Variants in SLC35F4 observed in about 807,000 individuals in gnomAD.
SLC35F4 encodes chromosome 14 open reading frame 36.
A neutral mutation model predicts 44.2 loss-of-function variants in SLC35F4; 24 were observed. The ratio of observed to expected loss-of-function variants is 0.54; its 90% CI spans 0.39 to 0.76. SLC35F4 has a LOEUF of 0.76. Ranked by LOEUF, SLC35F4 falls within the 30% of genes least tolerant of loss-of-function variation. The pLI is 0.00. For synonymous variants in SLC35F4, 238 were observed against 223.6 expected (o/e 1.06, Z -0.57); for missense variants, 562 against 586.1 (o/e 0.96, Z 0.42).
intron 1 of SLC35F4, among the ~76,000 whole-genome samples, chr14:57,611,154 T>G (rs2071471686): frequency 1.3e-5 from 2 of 150,906 alleles, no homozygotes; most frequent in African/African-American, 4.9e-5. Flanking sequence ...GTGGGGAGAG[T>G]TTGGTGTGTT....
At chr14:57,590,226 C>CAAAA (rs55850524) in intron 2 of SLC35F4, among the ~76,000 whole-genome samples, 2 of 119,178 alleles carry the variant, frequency 1.7e-5, no homozygotes, top group African/African-American at 3.3e-5. Flanking sequence ...CTTGTCTATG[C>CAAAA]AAAAAAAAAA....
At chr14:57,754,707 A>C (rs1481026110) in intron 1 of SLC35F4, among the ~76,000 whole-genome samples, 3 of 152,226 alleles carry the variant, frequency 2.0e-5, no homozygotes, top group Non-Finnish European at 4.4e-5. Context: ...CTGTTAGTGT[A>C]TTCCACCTAG....
intron 1 of SLC35F4, among the ~76,000 whole-genome samples, chr14:57,964,991 A>AAAT (rs1555331532): frequency 1.7e-5 from 2 of 115,694 alleles, no homozygotes; most frequent in African/African-American, 3.7e-5. Context: ...AAAAAAAAAA[A>AAAT]ATATATATAT....
At chr14:57,873,635 T>C (rs1364951197) in intron 1 of SLC35F4, among the ~76,000 whole-genome samples, 1 of 152,182 alleles carries the variant, frequency 6.6e-6, no homozygotes, top group Admixed American at 6.5e-5. Context: ...ATAGTTAAGA[T>C]ACTCAAAATT....
intron 1 of SLC35F4, among the ~76,000 whole-genome samples, chr14:57,696,295 G>C (rs566387767): frequency 6.6e-6 from 1 of 152,020 alleles, no homozygotes; most frequent in Non-Finnish European, 1.5e-5. Context: ...AGGCATTTAC[G>C]CAGCCAACAA....
chr14:57,604,200 G>A (rs553822669), intron 1 of SLC35F4: 2 of 152,252 alleles, frequency 1.3e-5, no homozygotes, highest in African/African-American at 2.4e-5. Flanking sequence ...CTGTGATAAC[G>A]CCAACAGCAA....
Position 57,564,130 on chromosome 14 carries a change from C to T in SLC35F4, c.*5G>A. On this transcript the variant is annotated 3_prime_UTR_variant, in exon 8 of 8. Coordinates refer to ENST00000556826, the MANE Select transcript of SLC35F4 (RefSeq NM_001306087.2). The stretch of plus-strand genomic sequence containing the variant: ...CATACACGTGCATTCAAAATATGTC[C>T]CTCTCTAAGCCAGTGGTATAGACAC... The T allele has an allele frequency of 6.2e-7, 1 of 1,613,106 alleles. No homozygotes were observed. The highest frequency in any genetic ancestry group is 8.5e-7 in the Non-Finnish European group (1 of 1,179,454).
chr14:57,924,698 C>T (rs1449383242), intron 1 of SLC35F4, among the ~76,000 whole-genome samples: 5 of 152,136 alleles, frequency 3.3e-5, no homozygotes, highest in Admixed American at 3.3e-4. Flanking sequence ...CTGCCCGCCT[C>T]AGCCTCCCAA....
chr14:57,814,836 A>G (rs949031582), intron 1 of SLC35F4, among the ~76,000 whole-genome samples: 2 of 152,198 alleles, frequency 1.3e-5, no homozygotes, highest in Non-Finnish European at 2.9e-5. Context: ...ATTTTCTTTC[A>G]TGGAACCCTT....
intron 1 of SLC35F4, among the ~76,000 whole-genome samples, chr14:57,786,472 C>T (rs182075490): frequency 3.3e-5 from 5 of 152,282 alleles, no homozygotes; most frequent in Admixed American, 1.3e-4. Flanking sequence ...GCACAAAAAC[C>T]GAGCATTAAA....
At position 57,778,557 on chromosome 14, in the gene SLC35F4, A is replaced by G. The variant is rs1371891659; in HGVS notation, c.103+87166T>C. Among the ~76,000 whole-genome samples, 4 of 152,030 alleles carry G rather than the reference A, an allele frequency of 2.6e-5. No homozygotes were observed. The East Asian group carries it at 5.8e-4, about 22-fold the overall frequency. The stretch of plus-strand genomic sequence containing the variant: ...GAAGACTTCAATACCCACTGACAAT[A>G]TTAGATCATTGAGGCAGAAAATCAA... On this transcript the variant is annotated intron_variant, in intron 1 of 7. Coordinates refer to ENST00000556826, the MANE Select transcript of SLC35F4 (RefSeq NM_001306087.2).
rs147516756 is a variant in SLC35F4, at chr14:57,646,787, C to T, written c.104-52663G>A. ...GCTATAAATTTTCCTCTACACACTGCTTTTAATGTGACCCAGAGATTCTGG... is the reference window on the plus strand; with the variant it reads ...GCTATAAATTTTCCTCTACACACTGTTTTTAATGTGACCCAGAGATTCTGG... On this transcript the variant is annotated intron_variant, in intron 1 of 7. Transcript: ENST00000556826. 9.8e-3 allele frequency among the ~76,000 whole-genome samples: 1,489 copies of T among 152,326 alleles called. 33 individuals carry two copies. Among genetic ancestry groups the T allele is most frequent in the African/African-American group, 0.033 (1,370 of 41,550 alleles).
chr14:57,740,615 T>C (rs935261479), intron 1 of SLC35F4, among the ~76,000 whole-genome samples: 1 of 152,170 alleles, frequency 6.6e-6, no homozygotes, highest in African/African-American at 2.4e-5. Flanking sequence ...TACGAGAATA[T>C]ATTGTACATT....
chr14:57,740,200 G>A lies in SLC35F4; in HGVS notation c.103+125523C>T, dbSNP rs2076570025. 3.3e-5 allele frequency among the ~76,000 whole-genome samples: 5 copies of A among 152,164 alleles called. 1 individual carries two copies. In the South Asian group the frequency reaches 1.0e-3, roughly 32 times the overall value. On this transcript the variant is annotated intron_variant, in intron 1 of 7. Transcript: ENST00000556826. ...ATAACCTGGCTCTTGGGAGACTACT[G>A]TATCTAATTGAAAGAATGATATAAA...
chr14:57,964,988 AAAAATATATATATAT>A lies in SLC35F4; in HGVS notation n.282+16910_282+16924del, dbSNP rs1204811055. ...CTCCCATGGGGGAAAAAAAAAAAAA[AAAAATATATATATAT>A]ATATATATAGTTTCAGACAAAGGTT... On this transcript the variant is annotated intron_variant and non_coding_transcript_variant, in intron 1 of 1. Transcript: ENST00000556568. Among the ~76,000 whole-genome samples, 3 of 136,818 alleles carry A rather than the reference AAAAATATATATATAT, an allele frequency of 2.2e-5. No homozygotes were observed. In the East Asian group the frequency reaches 9.5e-4, roughly 43 times the overall value. 89.8% of individuals were successfully genotyped at this position (136,818 alleles called of 152,430 possible). A position where few individuals can be genotyped will look rare whatever the true frequency, so the allele number is the denominator to read the frequency against.
At chr14:57,764,937 T>TAAA (rs1215332172) in intron 1 of SLC35F4, among the ~76,000 whole-genome samples, 1 of 152,192 alleles carries the variant, frequency 6.6e-6, no homozygotes, top group Non-Finnish European at 1.5e-5. Context: ...ACTTTTAAAA[T>TAAA]AAAAATTATT....
intron 1 of SLC35F4, among the ~76,000 whole-genome samples, chr14:57,767,684 TA>T (rs1258214839): frequency 1.3e-5 from 2 of 151,532 alleles, no homozygotes; most frequent in Non-Finnish European, 2.9e-5. Flanking sequence ...ATAGAATAAA[TA>T]AAATTGAAAA....
chr14:57,845,517 T>G (rs767416793), intron 1 of SLC35F4, among the ~76,000 whole-genome samples: 3 of 152,250 alleles, frequency 2.0e-5, no homozygotes, highest in Non-Finnish European at 4.4e-5. Flanking sequence ...AACATTACTC[T>G]GCAAACAATT....
intron 1 of SLC35F4, among the ~76,000 whole-genome samples, chr14:57,903,704 A>G (rs764315031): frequency 6.6e-5 from 10 of 152,252 alleles, no homozygotes; most frequent in Non-Finnish European, 1.5e-4. Flanking sequence ...ATTTATTAAC[A>G]AAAGTCTAAA....
Sources: gnomAD v4.1 joint callset for allele counts (sites outside exome capture counted in the v4.1 genomes callset) on GRCh38, gnomAD v4.1.1 for gene constraint, MANE v1.5 for transcripts, NCBI Gene and HGNC (gene_info 2026-07-23, HGNC 2026-07-21) for gene names.